KANSL1: variants seen among roughly 807,000 people sequenced by gnomAD.
The protein encoded by KANSL1 is MLL1/MLL complex subunit KANSL1.
A neutral mutation model predicts 103.6 loss-of-function variants in KANSL1; 22 were observed. That is an observed-to-expected ratio of 0.21 (90% confidence interval 0.15 to 0.30). The LOEUF is 0.30. KANSL1 is among the 10% of genes least tolerant of loss of function. The pLI is 1.00. For missense variants in KANSL1, 1,337 were observed against 1,399.8 expected (o/e 0.96, Z 0.72); for synonymous variants, 600 against 527.6 (o/e 1.14, Z -1.88).
chr17:46,197,506 G>A (rs955302647), upstream of KANSL1, among the ~76,000 whole-genome samples: 20 of 152,192 alleles, frequency 1.3e-4, no homozygotes, highest in Non-Finnish European at 2.1e-4. Context: ...AGCCAAGCAT[G>A]GTGGTGCACG....
chr17:46,103,501 A>C (rs1465469679), intron 2 of KANSL1, among the ~76,000 whole-genome samples: 3 of 152,214 alleles, frequency 2.0e-5, no homozygotes. Flanking sequence ...TTAAATATCC[A>C]GTTACTGGTT....
At chr17:46,097,869 C>T (rs1188525476) in intron 2 of KANSL1, among the ~76,000 whole-genome samples, 1 of 149,512 alleles carries the variant, frequency 6.7e-6, no homozygotes, top group Non-Finnish European at 1.5e-5. Flanking sequence ...TGAATTAATA[C>T]TTAATCATAC....
chr17:46,209,122 G>T (rs2048077265), intron 1 of KANSL1, among the ~76,000 whole-genome samples: 2 of 151,918 alleles, frequency 1.3e-5, no homozygotes, highest in Admixed American at 6.6e-5. Context: ...GTCGGAGGTT[G>T]CAGTGAGCCA....
At chr17:46,095,482 T>A (rs1296232651) in intron 2 of KANSL1, among the ~76,000 whole-genome samples, 7 of 152,200 alleles carry the variant, frequency 4.6e-5, no homozygotes, top group Non-Finnish European at 1.0e-4. Context: ...GGGAAATTTT[T>A]AAAAAATCAG....
chr17:46,081,127 G>C (rs1056813130), intron 4 of KANSL1, among the ~76,000 whole-genome samples: 1 of 152,286 alleles, frequency 6.6e-6, no homozygotes. Flanking sequence ...TAACACAATG[G>C]AGGACTGTTA....
chr17:46,112,209 A>G (rs560616277), intron 2 of KANSL1, among the ~76,000 whole-genome samples: 44 of 152,032 alleles, frequency 2.9e-4, no homozygotes, highest in African/African-American at 1.1e-3. Context: ...TCTACTAAAA[A>G]ATAAAAAAAT....
At chr17:46,032,352 G>A in intron 13 of KANSL1, 53 bp from the exon 14 acceptor site, 1 of 1,456,608 alleles carries the variant, frequency 6.9e-7, no homozygotes, top group Non-Finnish European at 9.1e-7. Flanking sequence ...TACTTATGGG[G>A]GTAGAGGGCA....
At position 46,105,952 on chromosome 17, in the gene KANSL1, C is replaced by A. The variant is rs955692016; in HGVS notation, c.1290-11251G>T. Reference sequence around the variant, plus strand: ...ACACACACACACACACACACACCCCCCCAGAAGGGTGAAGGAGCAGAAAAG... The same window carrying A: ...ACACACACACACACACACACACCCCACCAGAAGGGTGAAGGAGCAGAAAAG... On this transcript the variant is annotated intron_variant, in intron 2 of 14. Transcript: ENST00000432791. Among the ~76,000 whole-genome samples the A allele has an allele frequency of 4.3e-4, 53 of 123,670 alleles. 1 individual carries two copies. Among genetic ancestry groups the A allele is most frequent in the Non-Finnish European group, 6.1e-4 (34 of 55,330 alleles). The allele number at this position is 123,670 out of a possible 152,430, so 81.1% of individuals were successfully genotyped here.
chr17:46,034,100 G>C, intron 11 of KANSL1, 61 bp downstream of exon 11: 3 of 1,594,812 alleles, frequency 1.9e-6, no homozygotes, highest in Non-Finnish European at 2.6e-6. Flanking sequence ...CAGAAGAGAA[G>C]AGGGAAAAAG....
intron 2 of KANSL1, among the ~76,000 whole-genome samples, chr17:46,144,679 TAA>T (rs143437112): frequency 6.7e-6 from 1 of 149,762 alleles, no homozygotes; most frequent in Non-Finnish European, 1.5e-5. Flanking sequence ...TACTACATAA[TAA>T]AAAAAAAATC....
In KANSL1 at chr17:46,095,121, G is replaced by A. The variant is rs554303855; in HGVS notation, c.1290-420C>T. On this transcript the variant is annotated intron_variant, in intron 2 of 14. Coordinates refer to ENST00000432791, the MANE Select transcript of KANSL1 (RefSeq NM_015443.4). The stretch of plus-strand genomic sequence containing the variant: ...AGAATATTTAAAAACTAATAAAGTA[G>A]AAAATATCATTAAGTACCATTCATA... 3.4e-5 allele frequency among the ~76,000 whole-genome samples: 5 copies of A among 147,616 alleles called. No individual in the cohort carries two copies. In the East Asian group the frequency reaches 5.8e-4, roughly 17 times the overall value.
At position 46,049,000 on chromosome 17, in the gene KANSL1, G is replaced by A. The variant is rs559229361; in HGVS notation, c.2020+1533C>T. On this transcript the variant is annotated intron_variant, in intron 7 of 14. Coordinates refer to ENST00000432791, the MANE Select transcript of KANSL1 (RefSeq NM_015443.4). ...GAGCTCAGACCCATCCCAGCCACTC[G>A]AAGAGTTAGAGGGAAATCTCTTAGT... Among the ~76,000 whole-genome samples, 21 of 152,220 alleles carry A rather than the reference G, an allele frequency of 1.4e-4. 1 individual carries two copies. In the East Asian group the frequency reaches 3.3e-3, roughly 24 times the overall value.
rs58833932 is a variant in KANSL1, at chr17:46,185,692, T to TACACACAC, written c.-90+7123_-90+7130dup. Among the ~76,000 whole-genome samples the TACACACAC allele has an allele frequency of 7.6e-3, 1,102 of 144,354 alleles. 8 individuals carry two copies. The highest frequency in any genetic ancestry group is 0.011 in the South Asian group (51 of 4,610). 94.7% of individuals were successfully genotyped at this position (144,354 alleles called of 152,430 possible). On this transcript the variant is annotated intron_variant, in intron 1 of 14. Coordinates refer to ENST00000432791, the MANE Select transcript of KANSL1 (RefSeq NM_015443.4). The stretch of plus-strand genomic sequence containing the variant: ...ACACATATATATACACACACATATA[T>TACACACAC]ACACACACACACACACACACACACA...
intron 2 of KANSL1, chr17:46,153,081 T>A (rs1452849497): frequency 2.6e-5 from 4 of 152,270 alleles, no homozygotes; most frequent in Non-Finnish European, 5.9e-5. Flanking sequence ...CTCCTAGCTA[T>A]GAAGCCTCTG....
intron 8 of KANSL1, 72 bp downstream of exon 8, chr17:46,039,630 C>T (rs1598457889): frequency 6.6e-7 from 1 of 1,523,144 alleles, no homozygotes; most frequent in East Asian, 2.3e-5. Flanking sequence ...ATGCAAACTA[C>T]AAATTTGAGA....
chr17:46,065,133 A>G (rs1366959328), intron 6 of KANSL1, among the ~76,000 whole-genome samples: 2 of 131,756 alleles, frequency 1.5e-5, no homozygotes, highest in African/African-American at 5.3e-5. Flanking sequence ...CGCCCACAGC[A>G]GGCTTTTTTT....
chr17:46,205,684 A>G (rs1461591011), intron 1 of KANSL1, among the ~76,000 whole-genome samples: 2 of 151,508 alleles, frequency 1.3e-5, no homozygotes, highest in Non-Finnish European at 2.9e-5. Flanking sequence ...CTGTCTCAAA[A>G]AAAAAAAAAA....
intron 2 of KANSL1, among the ~76,000 whole-genome samples, chr17:46,118,078 A>C (rs1303836630): frequency 6.6e-6 from 1 of 152,168 alleles, no homozygotes; most frequent in Non-Finnish European, 1.5e-5. Flanking sequence ...CCCCAGAAAA[A>C]GTCCACATCT....
chr17:46,148,888 T>C lies in KANSL1; in HGVS notation c.1289+21967A>G, dbSNP rs562193877. 2.1e-5 allele frequency among the ~76,000 whole-genome samples: 3 copies of C among 145,660 alleles called. No homozygotes were observed. The South Asian group carries it at 6.4e-4, about 31-fold the overall frequency. ...AGCATGAACCACCGTACCTGGCCTG[T>C]TGCTTACACTTAAAAAAAAAAAAAA... On this transcript the variant is annotated intron_variant, in intron 2 of 14. Transcript: ENST00000432791.
Sources: allele counts gnomAD v4.1 joint callset (sites outside exome capture counted in the v4.1 genomes callset), GRCh38; gene constraint gnomAD v4.1.1; transcripts MANE v1.5; gene names NCBI Gene and HGNC (gene_info 2026-07-23, HGNC 2026-07-21).